PTBP3: variants seen among roughly 807,000 people sequenced by gnomAD.
The protein encoded by PTBP3 is polypyrimidine tract binding protein 3, also known as polypyrimidine tract-binding protein 3.
In PTBP3, 20 loss-of-function variants were observed where a neutral mutation model predicts 58.7. The ratio of observed to expected loss-of-function variants is 0.34; its 90% CI spans 0.24 to 0.50. The LOEUF (loss-of-function observed/expected upper bound fraction) is 0.50. Ranked by LOEUF, PTBP3 falls within the 20% of genes least tolerant of loss-of-function variation. The pLI is 0.98. For synonymous variants in PTBP3, 185 were observed against 219.8 expected, an observed-to-expected ratio of 0.84 and a Z score of 1.40; for missense variants, 509 against 637.2, an observed-to-expected ratio of 0.80 and a Z score of 2.17.
Position 112,270,483 on chromosome 9 carries a change from C to G in PTBP3, c.205-2288G>C, listed in dbSNP as rs73539720. On this transcript the variant is annotated intron_variant, in intron 3 of 13. Coordinates refer to ENST00000374257, the MANE Select transcript of PTBP3 (RefSeq NM_001163788.4). The stretch of plus-strand genomic sequence containing the variant: ...ATCAAGTTTTACTTAAAATAATCTA[C>G]GCTTTTGAATTTTTTTAATAAACAT... 4.7e-3 allele frequency among the ~76,000 whole-genome samples: 715 copies of G among 152,190 alleles called. 8 individuals carry two copies. The highest frequency in any genetic ancestry group is 0.016 in the African/African-American group (678 of 41,510).
Position 112,234,884 on chromosome 9 carries a change from T to G in PTBP3, c.816A>C (p.Ile272=). Reference sequence around the variant, plus strand: ...CAGCCCCTGCATATGGTGAAGAAATTATACCCGGTGCACCTAATGGGAAAG... The same window carrying G: ...CAGCCCCTGCATATGGTGAAGAAATGATACCCGGTGCACCTAATGGGAAAG... ...PMAAAFGAPG[I]ISSPYAGAAG... is the part of the protein sequence containing the mutation. Residue 272 remains isoleucine (I), a synonymous_variant, in exon 8 of 14, where the codon ATA becomes ATC. Transcript: ENST00000374257. 1 of 1,612,560 alleles carries G rather than the reference T, an allele frequency of 6.2e-7. No individual in the cohort carries two copies.
intron 2 of PTBP3, among the ~76,000 whole-genome samples, chr9:112,291,167 A>G (rs1828403643): frequency 6.6e-6 from 1 of 152,084 alleles, no homozygotes; most frequent in African/African-American, 2.4e-5. Flanking sequence ...GGTTGCAGTG[A>G]GCCAAGATTG....
At chr9:112,248,030 G>T (rs1174495586) in intron 7 of PTBP3, among the ~76,000 whole-genome samples, 5 of 152,094 alleles carry the variant, frequency 3.3e-5, no homozygotes, top group Non-Finnish European at 7.4e-5. Flanking sequence ...CAGATACCCA[G>T]AAGTTCTTTG....
chr9:112,262,577 G>A lies in PTBP3; in HGVS notation c.374C>T (p.Ala125Val). ...NQARAQAALQ[A>V]VSAVQSGSLA... is the part of the protein sequence containing the mutation. ...GCTTCCTGATTGGACGGCACTGACA[G>A]CCTGCAGTGCAGCTTGGGCTCGCTA... The change falls in exon 5 of 14, where the codon GCT becomes GTT. Residue 125 changes from alanine to valine, a missense_variant. Physicochemically the swap from Ala to Val is moderately conservative, Grantham distance 64. This residue lies in a region of PTBP3 where 212 missense variants were observed against 215.3 expected (regional missense o/e 0.98). Transcript: ENST00000374257. 2 of 1,604,360 alleles carry A rather than the reference G, an allele frequency of 1.2e-6. No homozygotes were observed. The highest frequency in any genetic ancestry group is 2.2e-5 in the South Asian group (2 of 89,064).
At chr9:112,280,325 G>C (rs1226920591) in intron 2 of PTBP3, among the ~76,000 whole-genome samples, 1 of 151,902 alleles carries the variant, frequency 6.6e-6, no homozygotes, top group Non-Finnish European at 1.5e-5. Flanking sequence ...TAAGTGCTGG[G>C]ATTACAGGCA....
intron 8 of PTBP3, among the ~76,000 whole-genome samples, chr9:112,232,449 A>G (rs1033521789): frequency 2.6e-5 from 4 of 152,134 alleles, no homozygotes; most frequent in African/African-American, 7.2e-5. Flanking sequence ...TTAGTGCTCT[A>G]TTATCCACAC....
chr9:112,233,783 T>C (rs1835340459), intron 8 of PTBP3, among the ~76,000 whole-genome samples: 1 of 151,978 alleles, frequency 6.6e-6, no homozygotes, highest in African/African-American at 2.4e-5. Context: ...ATACAAAAAT[T>C]AGCTGGGCGT....
chr9:112,290,402 T>C (rs1296036675), intron 2 of PTBP3, among the ~76,000 whole-genome samples: 1 of 151,998 alleles, frequency 6.6e-6, no homozygotes, highest in Non-Finnish European at 1.5e-5. Context: ...CGGCCAGGCA[T>C]GGTGGCTCAC....
At chr9:112,231,845 TCA>T (rs563216223) in intron 9 of PTBP3, among the ~76,000 whole-genome samples, 25 of 150,272 alleles carry the variant, frequency 1.7e-4, no homozygotes, top group Admixed American at 6.7e-4. Flanking sequence ...GAAGCAGAGG[TCA>T]CAGTGAGTGA....
intron 1 of PTBP3, among the ~76,000 whole-genome samples, chr9:112,326,776 T>G (rs958190255): frequency 6.6e-6 from 1 of 152,212 alleles, no homozygotes; most frequent in Admixed American, 6.5e-5. Flanking sequence ...AGTTAATAAT[T>G]AAAGTATAAG....
At chr9:112,276,572 T>C (rs1827619944) in intron 2 of PTBP3, among the ~76,000 whole-genome samples, 2 of 152,054 alleles carry the variant, frequency 1.3e-5, no homozygotes, top group South Asian at 4.1e-4. Flanking sequence ...TATTCCTTAT[T>C]ATATAACAAT....
the PTBP3 span, among the ~76,000 whole-genome samples, chr9:112,340,471 C>A: frequency 5.9e-5 from 9 of 152,232 alleles, no homozygotes; most frequent in East Asian, 1.7e-3. Context: ...TAGTTTGATT[C>A]CCTGCTATTT....
At chr9:112,310,643 A>G (rs1260050676) in intron 1 of PTBP3, among the ~76,000 whole-genome samples, 2 of 152,378 alleles carry the variant, frequency 1.3e-5, no homozygotes, top group East Asian at 3.9e-4. Context: ...AAAGAAACAT[A>G]ATAATCAAAG....
At chr9:112,271,492 G>A (rs765413039) in intron 3 of PTBP3, among the ~76,000 whole-genome samples, 8 of 152,170 alleles carry the variant, frequency 5.3e-5, no homozygotes, top group Non-Finnish European at 8.8e-5. Flanking sequence ...AGGCTGCAAC[G>A]GGCAGATCAC....
chr9:112,346,527 A>G, the PTBP3 span, among the ~76,000 whole-genome samples: 1 of 152,102 alleles, frequency 6.6e-6, no homozygotes, highest in African/African-American at 2.4e-5. Flanking sequence ...AATGGAAGTT[A>G]TTTTCTTCTT....
chr9:112,293,245 A>G (rs1392022930), intron 2 of PTBP3, among the ~76,000 whole-genome samples: 1 of 152,224 alleles, frequency 6.6e-6, no homozygotes, highest in East Asian at 1.9e-4. Context: ...AATGAATGAA[A>G]AAGGAAAGAA....
At chr9:112,342,397 G>A in the PTBP3 span, among the ~76,000 whole-genome samples, 3 of 152,158 alleles carry the variant, frequency 2.0e-5, no homozygotes, top group African/African-American at 7.2e-5. Context: ...CTTCACAGAA[G>A]CCTGAATATA....
intron 2 of PTBP3, among the ~76,000 whole-genome samples, chr9:112,280,317 A>G (rs1308333756): frequency 6.6e-6 from 1 of 151,920 alleles, no homozygotes; most frequent in Non-Finnish European, 1.5e-5. Context: ...GGCCTTCCTA[A>G]GTGCTGGGAT....
At chr9:112,275,335 A>T (rs983207921) in intron 3 of PTBP3, among the ~76,000 whole-genome samples, 1 of 152,094 alleles carries the variant, frequency 6.6e-6, no homozygotes, top group Non-Finnish European at 1.5e-5. Flanking sequence ...GGGTTTCACC[A>T]TGTTGCCCAG....
Sources: gnomAD v4.1 joint callset for allele counts (sites outside exome capture counted in the v4.1 genomes callset) on GRCh38, gnomAD v4.1.1 for gene constraint, gnomAD v4.1.1 regional missense constraint, MANE v1.5 for transcripts, NCBI Gene and HGNC (gene_info 2026-07-23, HGNC 2026-07-21) for gene names.